Variants in IFT140 observed in about 807,000 individuals in gnomAD.
IFT140 encodes intraflagellar transport 140, also known as intraflagellar transport protein 140 homolog.
Under a neutral mutation model 164.6 loss-of-function variants are expected in IFT140, and 133 were observed. The ratio of observed to expected loss-of-function variants is 0.81; its 90% CI spans 0.70 to 0.93. The LOEUF (loss-of-function observed/expected upper bound fraction) is 0.93, where lower values mean the gene tolerates loss of function less well. IFT140 is among the 40% of genes least tolerant of loss of function. The pLI is 0.00. For synonymous variants in IFT140, 860 were observed against 817.3 expected, an observed-to-expected ratio of 1.05 and a Z score of -0.89; for missense variants, 2,045 against 1,972.3, an observed-to-expected ratio of 1.04 and a Z score of -0.70.
chr16:1,520,067 C>G lies in IFT140; in HGVS notation c.3874-20G>C, dbSNP rs1478509706. On this transcript the variant is annotated intron_variant, in intron 28 of 30. Coordinates refer to ENST00000426508, the MANE Select transcript of IFT140 (RefSeq NM_014714.4). ...CTCCACCTGTACAGATGAAACCCGT[C>G]AAGACCTGCCGGGCTCCACAGCCCT... The G allele has an allele frequency of 6.2e-7, 1 of 1,606,980 alleles. No individual in the cohort carries two copies. Among genetic ancestry groups the G allele is most frequent in the South Asian group, 1.1e-5 (1 of 90,712 alleles).
intron 13 of IFT140, among the ~76,000 whole-genome samples, chr16:1,575,325 T>C (rs1338137542): frequency 1.3e-5 from 2 of 151,908 alleles, no homozygotes; most frequent in Non-Finnish European, 2.9e-5. Context: ...CAGTGAGCTA[T>C]GATGGCACCA....
chr16:1,534,442 G>T (rs756363610), intron 19 of IFT140: 12 of 1,611,594 alleles, frequency 7.4e-6, no homozygotes, highest in Non-Finnish European at 9.3e-6. Flanking sequence ...GACAGGACCC[G>T]GGGAGGGCCG....
chr16:1,552,583 G>A (rs918216097), intron 19 of IFT140, among the ~76,000 whole-genome samples: 4 of 151,898 alleles, frequency 2.6e-5, no homozygotes, highest in Non-Finnish European at 4.4e-5. Flanking sequence ...GTGAGCAGAG[G>A]GCACATTCCG....
Position 1,530,513 on chromosome 16 carries a change from C to T in IFT140, c.2400-3717G>A, listed in dbSNP as rs369542228. On this transcript the variant is annotated intron_variant, in intron 19 of 30. Coordinates refer to ENST00000426508, the MANE Select transcript of IFT140 (RefSeq NM_014714.4). Reference sequence around the variant, plus strand: ...GTGTGGGGCTGGACAGGGCTGGGACCTGCCTCTACCTGCCCCGCGTGGCTC... The same window carrying T: ...GTGTGGGGCTGGACAGGGCTGGGACTTGCCTCTACCTGCCCCGCGTGGCTC... 2.5e-4 allele frequency among the ~76,000 whole-genome samples: 38 copies of T among 152,322 alleles called. No individual in the cohort carries two copies. The South Asian group carries it at 2.9e-3, about 12-fold the overall frequency.
intron 14 of IFT140, among the ~76,000 whole-genome samples, chr16:1,570,982 C>T (rs148591102): frequency 6.9e-4 from 105 of 152,274 alleles, no homozygotes; most frequent in African/African-American, 2.3e-3. Flanking sequence ...GTCTCAAACT[C>T]CTGGGCTCAA....
rs1302030823 is a variant in IFT140 at position 1,519,712 on chromosome 16, G to A, written c.4040+169C>T. Among the ~76,000 whole-genome samples, 4 of 152,334 alleles carry A rather than the reference G, an allele frequency of 2.6e-5. No homozygotes were observed. In the East Asian group the frequency reaches 7.7e-4, roughly 29 times the overall value. On this transcript the variant is annotated intron_variant, in intron 29 of 30. Transcript: ENST00000426508. ...AACACCTTCCCAAGGCTGTGCCCGG[G>A]CTCTGAGGGCTCCCAGGAGGAGGTG...
Position 1,520,802 on chromosome 16 carries a change from CCT to C in IFT140, c.3458_3459del (p.Gln1153ArgfsTer32). ...VELLLAARKY[Q>X]EALQLCLGQN... ...TGCCCCAGGCACAGCTGCAGGGCTT[CCT>C]GATACTGCAAAGGTGCAGAAATGGG... On this transcript the variant is annotated frameshift_variant, in exon 27 of 31. Coordinates refer to ENST00000426508, the MANE Select transcript of IFT140 (RefSeq NM_014714.4). LOFTEE classifies it high-confidence loss of function. The C allele has an allele frequency of 6.2e-7, 1 of 1,602,572 alleles. No homozygotes were observed. Among genetic ancestry groups the C allele is most frequent in the Middle Eastern group, 1.7e-4 (1 of 6,060 alleles).
intron 4 of IFT140, among the ~76,000 whole-genome samples, chr16:1,597,101 C>T (rs1230064948): frequency 2.0e-5 from 3 of 152,022 alleles, no homozygotes; most frequent in African/African-American, 4.8e-5. Context: ...GGTTCTCCAG[C>T]GGCACGTCAC....
chr16:1,566,634 C>CG (rs1356456934), intron 15 of IFT140, among the ~76,000 whole-genome samples: 3 of 152,154 alleles, frequency 2.0e-5, no homozygotes, highest in African/African-American at 7.2e-5. Flanking sequence ...AGCTGAAACT[C>CG]CTTTATTACA....
At chr16:1,541,507 T>A in intron 19 of IFT140, 1 of 985,376 alleles carries the variant, frequency 1.0e-6, no homozygotes, top group Non-Finnish European at 1.2e-6. Flanking sequence ...GGCAGCGCCC[T>A]CGTCTTGGAT....
At chr16:1,523,291 T>G (rs1030091803) in intron 26 of IFT140, among the ~76,000 whole-genome samples, 6 of 151,232 alleles carry the variant, frequency 4.0e-5, no homozygotes, top group African/African-American at 1.5e-4. Flanking sequence ...CATAGGTGAG[T>G]GCACCATTCC....
intron 6 of IFT140, among the ~76,000 whole-genome samples, chr16:1,590,968 T>A (rs2035147395): frequency 6.6e-6 from 1 of 152,042 alleles, no homozygotes. Flanking sequence ...CACCTAGAGG[T>A]GAATTGTGAC....
intron 19 of IFT140, chr16:1,540,685 C>T (rs934484530): frequency 3.2e-6 from 1 of 314,548 alleles, no homozygotes. Flanking sequence ...GGACCCGCTC[C>T]TGAGTGGTGA....
intron 15 of IFT140, among the ~76,000 whole-genome samples, chr16:1,566,779 C>T (rs537067225): frequency 5.3e-5 from 8 of 152,150 alleles, no homozygotes; most frequent in East Asian, 1.9e-4. Context: ...TGGGTCTTCC[C>T]GTCAGTGTTA....
chr16:1,590,619 C>G (rs1201296856), intron 6 of IFT140, among the ~76,000 whole-genome samples: 2 of 152,210 alleles, frequency 1.3e-5, no homozygotes, highest in Non-Finnish European at 2.9e-5. Flanking sequence ...TGCTCCGGTG[C>G]TGGCCAGCCA....
intron 19 of IFT140, among the ~76,000 whole-genome samples, chr16:1,540,609 T>A (rs2031538012): frequency 6.6e-6 from 1 of 152,222 alleles, no homozygotes; most frequent in Admixed American, 6.5e-5. Context: ...GTGTCTGTGA[T>A]GAATGCGGGC....
chr16:1,606,076 G>A (rs570682661), intron 3 of IFT140, among the ~76,000 whole-genome samples: 2 of 152,204 alleles, frequency 1.3e-5, no homozygotes, highest in South Asian at 2.1e-4. Flanking sequence ...ACAGCAGCTC[G>A]GGGCAGACAC....
rs570575619 is a variant in IFT140, at chr16:1,561,859, G to A, written c.2199+126C>T. The stretch of plus-strand genomic sequence containing the variant: ...AGACTGGATGGCTGATGCTGTCTAC[G>A]GAGAGGGAAGCCCGGCAGAGCCACG... On this transcript the variant is annotated intron_variant, in intron 18 of 30. Coordinates refer to ENST00000426508, the MANE Select transcript of IFT140 (RefSeq NM_014714.4). The A allele has an allele frequency of 8.4e-4, 764 of 906,270 alleles. 1 individual carries two copies. The highest frequency in any genetic ancestry group is 1.1e-3 in the Non-Finnish European group (706 of 627,672). The allele number at this position is 906,270 out of a possible 1,614,324, so 56.1% of individuals were successfully genotyped here. A position where few individuals can be genotyped will look rare whatever the true frequency, so the allele number is the denominator to read the frequency against.
At chr16:1,596,041 G>A (rs974929753) in intron 4 of IFT140, among the ~76,000 whole-genome samples, 1 of 152,226 alleles carries the variant, frequency 6.6e-6, no homozygotes, top group Non-Finnish European at 1.5e-5. Flanking sequence ...GGGTGACAGA[G>A]TGAGGCTCCG....
Sources: allele counts gnomAD v4.1 joint callset (sites outside exome capture counted in the v4.1 genomes callset), GRCh38; gene constraint gnomAD v4.1.1; transcripts MANE v1.5; gene names NCBI Gene and HGNC (gene_info 2026-07-23, HGNC 2026-07-21).